FBN3: variants seen among roughly 807,000 people sequenced by gnomAD.
FBN3 encodes fibrillin-3.
In FBN3, 234 loss-of-function variants were observed where a neutral mutation model predicts 330.1. That is an observed-to-expected ratio of 0.71 (90% CI 0.64 to 0.79). The LOEUF (loss-of-function observed/expected upper bound fraction) is 0.79. Among genes scored for constraint, FBN3 ranks in the 30% least tolerant of loss-of-function variants. The pLI, the probability that FBN3 is intolerant of heterozygous loss-of-function variation, is 0.00. For synonymous variants in FBN3, 1,458 were observed against 1,517.3 expected (o/e 0.96, Z 0.91); for missense variants, 3,606 against 3,886.9 (o/e 0.93, Z 1.92).
rs778547878 is a variant in FBN3, at chr19:8,138,443, C to A, written c.987G>T (p.Pro329=). 6.2e-7 allele frequency: 1 copy of A among 1,612,838 alleles called. No individual in the cohort carries two copies. Among genetic ancestry groups the A allele is most frequent in the African/African-American group, 1.3e-5 (1 of 74,938 alleles). Residue 329 remains proline (P), a synonymous_variant, in exon 9 of 64, where the codon CCG becomes CCT. Coordinates refer to ENST00000600128, the MANE Select transcript of FBN3 (RefSeq NM_032447.5). The part of the protein sequence containing the change: ...CDRGRCWAAG[P]VPELCPPRGS... The stretch of plus-strand genomic sequence containing the variant: ...CCCGAGGAGGACACAGCTCAGGGAC[C>A]GGGCCAGCTGCCCAGCACCTGCCCC...
intron 51 of FBN3, 56 bp downstream of exon 51, chr19:8,089,489 T>A: frequency 1.2e-6 from 2 of 1,607,158 alleles, no homozygotes; most frequent in Non-Finnish European, 1.7e-6. Context: ...CCTGCTCTGC[T>A]CCTTCCTGTC....
At chr19:8,103,809 G>A in intron 38 of FBN3, 122 bp from the exon 39 acceptor site, 1 of 882,052 alleles carries the variant, frequency 1.1e-6, no homozygotes, top group South Asian at 1.7e-5. Flanking sequence ...TTCAAAATCA[G>A]TTTAAAACGC....
intron 34 of FBN3, among the ~76,000 whole-genome samples, chr19:8,110,288 G>A (rs1397451919): frequency 6.6e-6 from 1 of 152,044 alleles, no homozygotes; most frequent in Non-Finnish European, 1.5e-5. Flanking sequence ...CCAACTCCTG[G>A]CCTGGAGTGA....
rs749047144 is a variant in FBN3 at position 8,088,075 on chromosome 19, T to G, written c.6481A>C (p.Met2161Leu). The change falls in exon 52 of 64, where the codon ATG becomes CTG. Residue 2161 changes from methionine to leucine, a missense_variant. Physicochemically the swap from Met to Leu is conservative, Grantham distance 15. Transcript: ENST00000600128. ...AGAGTTGTACCCTCGCAGGTCATCA[T>G]GAGGCCAGGCTCAAAGCCGTCAGCA... is the stretch of plus-strand genomic sequence containing the variant. ...ACADGFEPGL[M>L]MTCEDIDECS... 6.2e-7 allele frequency: 1 copy of G among 1,614,082 alleles called. No homozygotes were observed. Among genetic ancestry groups the G allele is most frequent in the South Asian group, 1.1e-5 (1 of 91,070 alleles).
Position 8,075,204 on chromosome 19 carries a change from AGAGG to A in FBN3, c.7583-18_7583-15del. ...ATTCATTCACATCTGAGACATAGAGAGAGGGAGAGAGGGTTTACCAGACGGCTCT... is the reference window on the plus strand; with the variant it reads ...ATTCATTCACATCTGAGACATAGAGAGAGAGAGGGTTTACCAGACGGCTCT... On this transcript the variant is annotated splice_polypyrimidine_tract_variant and intron_variant, in intron 60 of 63. Coordinates refer to ENST00000600128, the MANE Select transcript of FBN3 (RefSeq NM_032447.5). 3.2e-6 allele frequency: 5 copies of A among 1,568,162 alleles called. No homozygotes were observed. The highest frequency in any genetic ancestry group is 4.3e-6 in the Non-Finnish European group (5 of 1,153,120).
At position 8,123,360 on chromosome 19, in the gene FBN3, A is replaced by G. The variant is rs1293198800; in HGVS notation, c.3082+104T>C. 2.3e-6 allele frequency: 3 copies of G among 1,306,338 alleles called. No individual in the cohort carries two copies. The African/African-American group carries it at 4.5e-5, about 20-fold the overall frequency. The allele number at this position is 1,306,338 out of a possible 1,614,324, so 80.9% of individuals were successfully genotyped here. A position where few individuals can be genotyped will look rare whatever the true frequency, so the allele number is the denominator to read the frequency against. On this transcript the variant is annotated intron_variant, in intron 24 of 63. Coordinates refer to ENST00000600128, the MANE Select transcript of FBN3 (RefSeq NM_032447.5). The stretch of plus-strand genomic sequence containing the variant: ...CAAGAGTAAAACTCCGTCTCGAAAA[A>G]AAAAAGAAGAAGAAAAAGAACAGGT...
At chr19:8,082,125 AT>A (rs565696938) in intron 57 of FBN3, among the ~76,000 whole-genome samples, 2 of 114,344 alleles carry the variant, frequency 1.7e-5, no homozygotes, top group African/African-American at 6.3e-5. Context: ...CACCTGGCTA[AT>A]TTTTTTTCTT....
intron 8 of FBN3, among the ~76,000 whole-genome samples, chr19:8,139,500 G>A (rs1011821042): frequency 2.6e-5 from 4 of 152,188 alleles, no homozygotes; most frequent in South Asian, 2.1e-4. Flanking sequence ...ACCCATTGGC[G>A]GGGAAGGACT....
chr19:8,138,131 C>A lies in FBN3; in HGVS notation c.1201+10G>T. 1 of 1,602,924 alleles carries A rather than the reference C, an allele frequency of 6.2e-7. No individual in the cohort carries two copies. Among genetic ancestry groups the A allele is most frequent in the African/African-American group, 1.3e-5 (1 of 74,582 alleles). ...GTCTTGGAATGTTCCTCCCAAGCCC[C>A]AGGCCTCACCAATATTAGAGTTGCC... On this transcript the variant is annotated intron_variant, in intron 10 of 63. Transcript: ENST00000600128.
chr19:8,133,183 G>A, intron 13 of FBN3, 77 bp from the exon 14 acceptor site: 3 of 1,472,376 alleles, frequency 2.0e-6, no homozygotes, highest in Non-Finnish European at 2.7e-6. Context: ...AGGCTCCAGG[G>A]CTGACCCCCC....
rs370608917 is a variant in FBN3, at chr19:8,145,853, C to T, written c.435G>A (p.Val145=). ...CLCQKGYTGT[V]CGQPICDRGC... ...CATGGGGATACTCACGCTGCCCACACACGGTGCCTGTGTAGCCCTTCTGAC... is the reference window on the plus strand; with the variant it reads ...CATGGGGATACTCACGCTGCCCACATACGGTGCCTGTGTAGCCCTTCTGAC... The change falls in exon 5 of 64, where the codon GTG becomes GTA. Residue 145 remains valine, a synonymous_variant. Transcript: ENST00000600128. 1.9e-5 allele frequency: 29 copies of T among 1,550,898 alleles called. No individual in the cohort carries two copies. The highest frequency in any genetic ancestry group is 2.3e-5 in the Non-Finnish European group (26 of 1,146,868).
At chr19:8,072,326 A>G in intron 62 of FBN3, 128 bp from the exon 63 acceptor site, 1 of 1,001,698 alleles carries the variant, frequency 1.0e-6, no homozygotes, top group South Asian at 1.6e-5. Context: ...AATGCCTCTG[A>G]GCATGTGCTG....
intron 20 of FBN3, 46 bp downstream of exon 20, chr19:8,126,422 A>G: frequency 5.6e-6 from 9 of 1,597,480 alleles, no homozygotes; most frequent in Non-Finnish European, 7.7e-6. Flanking sequence ...CGCCCCATGG[A>G]GGGCTTTTCC....
At chr19:8,141,178 G>A (rs1568457296) in intron 8 of FBN3, among the ~76,000 whole-genome samples, 1 of 123,786 alleles carries the variant, frequency 8.1e-6, no homozygotes, top group African/African-American at 3.1e-5. Flanking sequence ...CTGGGCGACA[G>A]AGCGAGACTC....
In FBN3 at chr19:8,145,859, G is replaced by A. The variant is rs201874391; in HGVS notation, c.429C>T (p.Gly143=). The change falls in exon 5 of 64, where the codon GGC becomes GGT. Residue 143 remains glycine, a synonymous_variant. Coordinates refer to ENST00000600128, the MANE Select transcript of FBN3 (RefSeq NM_032447.5). ...ASCLCQKGYT[G]TVCGQPICDR... ...GATACTCACGCTGCCCACACACGGTGCCTGTGTAGCCCTTCTGACACAGAC... is the reference window on the plus strand; with the variant it reads ...GATACTCACGCTGCCCACACACGGTACCTGTGTAGCCCTTCTGACACAGAC... 5 of 1,550,762 alleles carry A rather than the reference G, an allele frequency of 3.2e-6. No homozygotes were observed. Among genetic ancestry groups the A allele is most frequent in the East Asian group, 2.4e-5 (1 of 40,922 alleles).
chr19:8,077,410 G>A (rs935268859), intron 59 of FBN3, among the ~76,000 whole-genome samples: 14 of 152,086 alleles, frequency 9.2e-5, no homozygotes, highest in East Asian at 5.8e-4. Context: ...AGGCCGAGGC[G>A]GGCAGATCAC....
chr19:8,146,685 G>A (rs1368472848), intron 3 of FBN3, among the ~76,000 whole-genome samples: 1 of 152,030 alleles, frequency 6.6e-6, no homozygotes, highest in Non-Finnish European at 1.5e-5. Context: ...AACAGAGAGA[G>A]GCCAGGTGCA....
At chr19:8,099,575 C>T (rs1273421039) in intron 41 of FBN3, among the ~76,000 whole-genome samples, 6 of 151,766 alleles carry the variant, frequency 4.0e-5, no homozygotes, top group Admixed American at 2.0e-4. Flanking sequence ...CCACCACGCC[C>T]GGCCGCCATG....
chr19:8,145,724 C>A (rs56025743), intron 5 of FBN3, 119 bp downstream of exon 5: 87,044 of 645,046 alleles, frequency 0.13, 6,475 homozygotes, highest in Middle Eastern at 0.19. Context: ...TAAACGTCCC[C>A]TGCAATCTCC....
Sources: allele counts gnomAD v4.1 joint callset (sites outside exome capture counted in the v4.1 genomes callset), GRCh38; gene constraint gnomAD v4.1.1; transcripts MANE v1.5; gene names NCBI Gene and HGNC (gene_info 2026-07-23, HGNC 2026-07-21).